Variants in LTBP1 observed in about 807,000 individuals in gnomAD.
LTBP1 encodes latent-transforming growth factor beta-binding protein 1.
Under a neutral mutation model 207.6 loss-of-function variants are expected in LTBP1, and 129 were observed. The ratio of observed to expected loss-of-function variants is 0.62; its 90% CI spans 0.54 to 0.72. LTBP1 has a LOEUF of 0.72. LTBP1 is among the 30% of genes least tolerant of loss of function. The pLI is 0.00. For missense variants in LTBP1, 2,281 were observed against 2,217.2 expected, an observed-to-expected ratio of 1.03 and a Z score of -0.58; for synonymous variants, 963 against 833.7, an observed-to-expected ratio of 1.16 and a Z score of -2.67.
At chr2:32,990,588 A>G (rs1684255758) in intron 2 of LTBP1, among the ~76,000 whole-genome samples, 1 of 152,212 alleles carries the variant, frequency 6.6e-6, no homozygotes, top group Admixed American at 6.5e-5. Context: ...GTGATTAACC[A>G]CATTTTCATA....
chr2:33,394,123 A>C (rs1226986481), intron 32 of LTBP1, among the ~76,000 whole-genome samples: 1 of 152,120 alleles, frequency 6.6e-6, no homozygotes, highest in East Asian at 1.9e-4. Context: ...TCCTTCTCCC[A>C]CTTTTTGATG....
intron 8 of LTBP1, among the ~76,000 whole-genome samples, chr2:33,218,617 CA>C (rs2090890316): frequency 6.6e-6 from 1 of 152,016 alleles, no homozygotes; most frequent in African/African-American, 2.4e-5. Flanking sequence ...GGCTGGTCTC[CA>C]ACTCCTAACC....
At chr2:33,209,162 C>T (rs543946908) in intron 7 of LTBP1, among the ~76,000 whole-genome samples, 18 of 152,134 alleles carry the variant, frequency 1.2e-4, no homozygotes, top group South Asian at 6.2e-4. Context: ...TGTGAGCCAC[C>T]GCACCTGGCC....
chr2:33,036,733 C>T (rs2075944258), intron 3 of LTBP1, among the ~76,000 whole-genome samples: 1 of 152,226 alleles, frequency 6.6e-6, no homozygotes, highest in Non-Finnish European at 1.5e-5. Flanking sequence ...GCTGGGATTA[C>T]AGGCGTGAGA....
intron 3 of LTBP1, among the ~76,000 whole-genome samples, chr2:33,092,179 GCA>G (rs749016594): frequency 4.1e-4 from 60 of 148,052 alleles, no homozygotes; most frequent in African/African-American, 6.6e-4. Context: ...ACGTGCGCAT[GCA>G]CACACACACA....
intron 30 of LTBP1, among the ~76,000 whole-genome samples, chr2:33,364,952 C>A (rs2094967436): frequency 6.6e-6 from 1 of 152,086 alleles, no homozygotes; most frequent in Admixed American, 6.6e-5. Flanking sequence ...GATAAGAAGG[C>A]ATGAATCCAA....
intron 3 of LTBP1, among the ~76,000 whole-genome samples, chr2:33,035,755 A>G (rs2075889881): frequency 6.6e-6 from 1 of 152,118 alleles, no homozygotes; most frequent in Admixed American, 6.6e-5. Flanking sequence ...GACATTCTCA[A>G]CCTCAGTTCA....
rs10532840 is a variant in LTBP1 at position 32,960,398 on chromosome 2, GGAATGAATGAAT to G, written c.565+11479_565+11490del. ...ACCTGGTAAGCATGTACACCTTTAT[GGAATGAATGAAT>G]GAATGAATGAATGAATGAATGAATG... On this transcript the variant is annotated intron_variant, in intron 2 of 33. Transcript: ENST00000404816. 1.6e-4 allele frequency among the ~76,000 whole-genome samples: 24 copies of G among 150,282 alleles called. No homozygotes were observed. In the Middle Eastern group the frequency reaches 0.014, roughly 86 times the overall value.
chr2:33,386,789 T>C (rs2095269080), intron 31 of LTBP1, among the ~76,000 whole-genome samples: 1 of 150,320 alleles, frequency 6.7e-6, no homozygotes, highest in Non-Finnish European at 1.5e-5. Context: ...ACCACAATGG[T>C]GCCACTGCAT....
chr2:33,262,360 C>T (rs1057413375), intron 13 of LTBP1, among the ~76,000 whole-genome samples: 4 of 152,098 alleles, frequency 2.6e-5, no homozygotes, highest in African/African-American at 9.7e-5. Context: ...GTGAATGAGG[C>T]AATAGTCCTC....
chr2:33,275,823 G>A lies in LTBP1; in HGVS notation c.2892G>A (p.Pro964=), dbSNP rs779351120. 1.9e-5 allele frequency: 31 copies of A among 1,613,950 alleles called. No homozygotes were observed. In the Middle Eastern group the frequency reaches 4.9e-4, roughly 26 times the overall value. The change falls in exon 18 of 34, where the codon CCG becomes CCA. Residue 964 remains proline, a synonymous_variant. Coordinates refer to ENST00000404816, the MANE Select transcript of LTBP1 (RefSeq NM_206943.4). ...NCIDVDECLR[P]DVCGEGHCVN... ...TAGATGTTGACGAATGCCTGAGGCC[G>A]GACGTCTGTGGGGAGGGGCACTGTG...
chr2:33,339,401 T>G (rs79491108), intron 24 of LTBP1, among the ~76,000 whole-genome samples: 2,197 of 152,298 alleles, frequency 0.014, 23 homozygotes, highest in East Asian at 0.026. Context: ...AATCCTGTGG[T>G]TCAATGAATA....
At chr2:33,212,484 C>G (rs1303709402) in intron 7 of LTBP1, among the ~76,000 whole-genome samples, 2 of 152,128 alleles carry the variant, frequency 1.3e-5, no homozygotes, top group Non-Finnish European at 2.9e-5. Flanking sequence ...CTTGTATTTC[C>G]TAGATGGGAT....
At chr2:33,093,599 G>A (rs1247840848) in intron 3 of LTBP1, among the ~76,000 whole-genome samples, 2 of 151,804 alleles carry the variant, frequency 1.3e-5, no homozygotes, top group African/African-American at 4.8e-5. Context: ...AAGACCCTAG[G>A]CAATGAATAT....
At chr2:33,011,543 G>A (rs1373459917) in intron 2 of LTBP1, among the ~76,000 whole-genome samples, 9 of 152,066 alleles carry the variant, frequency 5.9e-5, no homozygotes, top group Non-Finnish European at 2.9e-5. Flanking sequence ...TGAAGTCACA[G>A]GGAGAAGACG....
intron 3 of LTBP1, among the ~76,000 whole-genome samples, chr2:33,085,856 G>A (rs771523072): frequency 4.6e-5 from 7 of 152,178 alleles, no homozygotes; most frequent in East Asian, 1.9e-4. Context: ...GCCACTGGGT[G>A]TGGTGGGTTC....
At chr2:33,073,277 G>GT (rs750038956) in intron 3 of LTBP1, among the ~76,000 whole-genome samples, 1,426 of 37,728 alleles carry the variant, frequency 0.038, 25 homozygotes, top group African/African-American at 0.048. Flanking sequence ...ATGTCACAGT[G>GT]TTTTTTTTGT....
chr2:33,180,124 C>T (rs1184679506), intron 5 of LTBP1, among the ~76,000 whole-genome samples: 1 of 152,212 alleles, frequency 6.6e-6, no homozygotes, highest in Non-Finnish European at 1.5e-5. Flanking sequence ...GCTTAAATCT[C>T]ACTTCCTTGG....
chr2:33,119,388 T>C (rs2080969666), intron 4 of LTBP1, among the ~76,000 whole-genome samples: 1 of 152,118 alleles, frequency 6.6e-6, no homozygotes, highest in African/African-American at 2.4e-5. Context: ...CAAAATAAAA[T>C]AGGCCCACGC....
Sources: allele counts gnomAD v4.1 joint callset (sites outside exome capture counted in the v4.1 genomes callset), GRCh38; gene constraint gnomAD v4.1.1; transcripts MANE v1.5; gene names NCBI Gene and HGNC (gene_info 2026-07-23, HGNC 2026-07-21).